The following PSD3 variants were observed in gnomAD, a reference collection of about 807,000 sequenced individuals.
The protein encoded by PSD3 is pleckstrin and Sec7 domain containing 3.
A neutral mutation model predicts 105.5 loss-of-function variants in PSD3; 49 were observed. The ratio of observed to expected loss-of-function variants is 0.46; its 90% CI spans 0.37 to 0.59. The LOEUF is 0.59. PSD3 is among the 20% of genes least tolerant of loss of function. The pLI is 0.00. For synonymous variants in PSD3, 557 were observed against 457.8 expected, an observed-to-expected ratio of 1.22 and a Z score of -2.77; for missense variants, 1,561 against 1,263.8, an observed-to-expected ratio of 1.24 and a Z score of -3.57.
chr8:18,668,552 A>G (rs566301843), intron 9 of PSD3, among the ~76,000 whole-genome samples: 2 of 152,312 alleles, frequency 1.3e-5, no homozygotes, highest in South Asian at 2.1e-4. Context: ...GCTGATGCCT[A>G]TGAAGGTTAA....
At position 18,867,701 on chromosome 8, in the gene PSD3, C is replaced by G; in HGVS notation, c.1607G>C (p.Gly536Ala). The change falls in exon 4 of 16, where the codon GGC becomes GCC. Residue 536 changes from glycine to alanine, a missense_variant. Physicochemically the swap from Gly to Ala is moderately conservative, Grantham distance 60. Coordinates refer to ENST00000327040, the MANE Select transcript of PSD3 (RefSeq NM_015310.4). ...TCCCCAGAAAGCAATCTCCGGGGTG[C>G]CTTTCGTGTAGATGGAGTCGCTGGC... ...NDASDSIYTK[G>A]TPEIAFWGSN... 2 of 1,612,910 alleles carry G rather than the reference C, an allele frequency of 1.2e-6. No individual in the cohort carries two copies.
At chr8:18,684,569 C>G (rs1273082916) in intron 9 of PSD3, among the ~76,000 whole-genome samples, 1 of 152,198 alleles carries the variant, frequency 6.6e-6, no homozygotes, top group Non-Finnish European at 1.5e-5. Context: ...TTTCCCGTTT[C>G]AGGCCACACA....
chr8:18,888,780 C>T (rs1307971678), intron 2 of PSD3, among the ~76,000 whole-genome samples: 1 of 152,194 alleles, frequency 6.6e-6, no homozygotes, highest in African/African-American at 2.4e-5. Flanking sequence ...CACCAATTCC[C>T]TATGAGATGT....
At chr8:18,875,055 A>G (rs1288755280) in intron 2 of PSD3, among the ~76,000 whole-genome samples, 3 of 152,276 alleles carry the variant, frequency 2.0e-5, no homozygotes, top group South Asian at 2.1e-4. Context: ...AGCTGGGACC[A>G]CAACAGGCAT....
intron 1 of PSD3, among the ~76,000 whole-genome samples, chr8:18,973,167 C>T (rs1824745713): frequency 6.6e-6 from 1 of 152,042 alleles, no homozygotes; most frequent in South Asian, 2.1e-4. Context: ...TCCAGGTTTC[C>T]CATTTTGAAA....
intron 1 of PSD3, among the ~76,000 whole-genome samples, chr8:18,980,466 T>C (rs1192108911): frequency 6.6e-6 from 1 of 152,188 alleles, no homozygotes; most frequent in Non-Finnish European, 1.5e-5. Flanking sequence ...GTTGGTTGGT[T>C]GGTTGGTTGG....
At chr8:19,049,863 T>A (rs923335706) in intron 1 of PSD3, among the ~76,000 whole-genome samples, 1 of 152,136 alleles carries the variant, frequency 6.6e-6, no homozygotes, top group Non-Finnish European at 1.5e-5. Context: ...ATTCCCTGAC[T>A]GGAATCCCAT....
At chr8:18,766,637 C>A (rs1255622353) in intron 8 of PSD3, among the ~76,000 whole-genome samples, 2 of 152,292 alleles carry the variant, frequency 1.3e-5, no homozygotes, top group East Asian at 3.9e-4. Context: ...GAGATTTACA[C>A]TACTTTCAAA....
rs1262643403 is a variant in PSD3 at position 18,802,193 on chromosome 8, T to C, written c.1911-811A>G. 4 of 212,190 alleles carry C rather than the reference T, an allele frequency of 1.9e-5. 1 individual carries two copies. The South Asian group carries it at 2.2e-4, about 11-fold the overall frequency. 13.1% of individuals were successfully genotyped at this position (212,190 alleles called of 1,614,324 possible). A position where few individuals can be genotyped will look rare whatever the true frequency, so the allele number is the denominator to read the frequency against. On this transcript the variant is annotated intron_variant, in intron 6 of 15. Transcript: ENST00000327040. ...GGAGGAAATTGGGAGATATAAGTAA[T>C]TTATTCCTTACATAATGGAATTAGT...
At chr8:18,979,736 C>G (rs1450367518) in intron 1 of PSD3, 1 of 186,140 alleles carries the variant, frequency 5.4e-6, no homozygotes, top group Non-Finnish European at 1.2e-5. Context: ...GTCTCTGGCC[C>G]AATGAGAGGA....
intron 3 of PSD3, among the ~76,000 whole-genome samples, chr8:18,869,792 C>G (rs139940830): frequency 2.6e-5 from 4 of 152,320 alleles, no homozygotes; most frequent in African/African-American, 7.2e-5. Context: ...CTTCACAGAA[C>G]CTAGCACACT....
chr8:18,589,117 G>C (rs1051899687), intron 12 of PSD3, among the ~76,000 whole-genome samples: 2 of 152,164 alleles, frequency 1.3e-5, no homozygotes, highest in Non-Finnish European at 2.9e-5. Context: ...GTAGCTAAAA[G>C]GACCAGTGTG....
At chr8:18,995,632 A>C (rs1054013114) in intron 1 of PSD3, among the ~76,000 whole-genome samples, 1 of 152,032 alleles carries the variant, frequency 6.6e-6, no homozygotes, top group African/African-American at 2.4e-5. Flanking sequence ...GGGACTCAGT[A>C]ATTTCTAAAG....
rs555065369 is a variant in PSD3 at position 19,082,984 on chromosome 8, G to A, written c.324+1222C>T. ...GTTAAAAAGAGAAAAGGGAAGGAAGGGTGCTGTGAGAAGCCTGCAGGAGAG... is the reference window on the plus strand; with the variant it reads ...GTTAAAAAGAGAAAAGGGAAGGAAGAGTGCTGTGAGAAGCCTGCAGGAGAG... On this transcript the variant is annotated intron_variant, in intron 1 of 1. Transcript: ENST00000521475. 3.9e-5 allele frequency among the ~76,000 whole-genome samples: 6 copies of A among 152,272 alleles called. No individual in the cohort carries two copies. In the East Asian group the frequency reaches 1.2e-3, roughly 29 times the overall value.
At chr8:18,661,673 G>T (rs1333565378) in intron 9 of PSD3, among the ~76,000 whole-genome samples, 9 of 152,252 alleles carry the variant, frequency 5.9e-5, no homozygotes, top group African/African-American at 1.7e-4. Flanking sequence ...TACCAAATAA[G>T]GTTATAGGTG....
chr8:18,605,189 A>G (rs1217063278), intron 11 of PSD3, among the ~76,000 whole-genome samples: 1 of 152,196 alleles, frequency 6.6e-6, no homozygotes, highest in Non-Finnish European at 1.5e-5. Flanking sequence ...ATGCCATCCC[A>G]TGAGCGCAGC....
chr8:18,804,440 T>C, intron 6 of PSD3, 82 bp downstream of exon 6: 2 of 1,225,478 alleles, frequency 1.6e-6, no homozygotes, highest in East Asian at 4.7e-5. Context: ...AAAAATAAGA[T>C]TCTAGCTAGA....
intron 1 of PSD3, among the ~76,000 whole-genome samples, chr8:19,019,955 G>A (rs1827310009): frequency 6.6e-6 from 1 of 152,068 alleles, no homozygotes. Context: ...TAGACCAGAG[G>A]GTGGTCCGGG....
chr8:18,620,604 T>G (rs1013193189), intron 11 of PSD3, among the ~76,000 whole-genome samples: 3 of 151,974 alleles, frequency 2.0e-5, no homozygotes, highest in African/African-American at 7.3e-5. Flanking sequence ...AGCTATTCAA[T>G]AGGCTGAGGT....
Sources: gnomAD v4.1 joint callset for allele counts (sites outside exome capture counted in the v4.1 genomes callset) on GRCh38, gnomAD v4.1.1 for gene constraint, MANE v1.5 for transcripts, NCBI Gene and HGNC (gene_info 2026-07-23, HGNC 2026-07-21) for gene names.